The following TAF1B variants were observed in gnomAD, a reference collection of about 807,000 sequenced individuals.
TAF1B encodes the protein TATA box-binding protein-associated factor RNA polymerase I subunit B.
TAF1B carries 61 observed loss-of-function variants against 83.9 expected under a neutral mutation model. The ratio of observed to expected loss-of-function variants is 0.73; its 90% CI spans 0.59 to 0.90. TAF1B has a LOEUF of 0.90. TAF1B is among the 40% of genes least tolerant of loss of function. TAF1B has a pLI of 0.00. For missense variants in TAF1B, 625 were observed against 677.0 expected, an observed-to-expected ratio of 0.92 and a Z score of 0.85; for synonymous variants, 221 against 224.6, an observed-to-expected ratio of 0.98 and a Z score of 0.14.
At position 9,914,877 on chromosome 2, in the gene TAF1B, G is replaced by A. The variant is rs1355782203; in HGVS notation, c.1271+1628G>A. On this transcript the variant is annotated intron_variant, in intron 12 of 14. Transcript: ENST00000263663. The surrounding 1 kb of genome is among the most constrained non-coding windows in gnomAD (Gnocchi z 4.3). Reference sequence around the variant, plus strand: ...TGCTCAGGCCCAGAGCTCAGTGCGTGGTGGCCACCTGTCGGTTTCACCCTT... The same window carrying A: ...TGCTCAGGCCCAGAGCTCAGTGCGTAGTGGCCACCTGTCGGTTTCACCCTT... Among the ~76,000 whole-genome samples the A allele has an allele frequency of 6.6e-6, 1 of 152,096 alleles. No individual in the cohort carries two copies. Among genetic ancestry groups the A allele is most frequent in the Non-Finnish European group, 1.5e-5 (1 of 68,026 alleles).
At chr2:9,882,324 T>A (rs1244024822) in intron 7 of TAF1B, among the ~76,000 whole-genome samples, 1 of 152,164 alleles carries the variant, frequency 6.6e-6, no homozygotes, top group East Asian at 1.9e-4. Context: ...GGTCTCGGAC[T>A]CCTGACCTCG....
intron 5 of TAF1B, among the ~76,000 whole-genome samples, chr2:9,862,134 CAA>C (rs1663792237): frequency 6.6e-6 from 1 of 152,102 alleles, no homozygotes; most frequent in Non-Finnish European, 1.5e-5. Context: ...TTCAGAAGAT[CAA>C]ACTACTCCGA....
intron 12 of TAF1B, among the ~76,000 whole-genome samples, chr2:9,917,800 C>T (rs1401845779): frequency 2.6e-5 from 4 of 151,642 alleles, no homozygotes; most frequent in African/African-American, 7.3e-5. Context: ...CGGCCGGGCG[C>T]GGTGGCTCAC....
intron 14 of TAF1B, among the ~76,000 whole-genome samples, chr2:9,926,252 AT>A (rs1461784644): frequency 6.6e-6 from 1 of 152,216 alleles, no homozygotes; most frequent in Non-Finnish European, 1.5e-5. Context: ...GCAGTCAGTG[AT>A]TAGATTTTTC....
At chr2:9,896,316 A>T (rs366821) in intron 8 of TAF1B, among the ~76,000 whole-genome samples, 138,658 of 152,174 alleles carry the variant, frequency 0.91, 64,531 homozygotes, top group East Asian at 1. Flanking sequence ...GCTTTTTGCT[A>T]TTGCTCACAA....
At position 9,888,790 on chromosome 2, in the gene TAF1B, GTTTTTTTTTTTTTTTTTTTTT is replaced by G. The variant is rs56125595; in HGVS notation, c.807+5995_807+6015del. Among the ~76,000 whole-genome samples, 106 of 81,670 alleles carry G rather than the reference GTTTTTTTTTTTTTTTTTTTTT, an allele frequency of 1.3e-3. 1 individual carries two copies. The highest frequency in any genetic ancestry group is 8.0e-3 in the African/African-American group (104 of 12,932). The allele number at this position is 81,670 out of a possible 152,430, so 53.6% of individuals were successfully genotyped here. A position where few individuals can be genotyped will look rare whatever the true frequency, so the allele number is the denominator to read the frequency against. ...GTTTTCTTTATGTTTCTTCTGCTTG[GTTTTTTTTTTTTTTTTTTTTT>G]TTTTTTTTTAAGACAAATTTTTGCT... On this transcript the variant is annotated intron_variant, in intron 8 of 14. Coordinates refer to ENST00000263663, the MANE Select transcript of TAF1B (RefSeq NM_005680.3).
chr2:9,911,168 C>T (rs1168255479), intron 10 of TAF1B, among the ~76,000 whole-genome samples: 1 of 152,120 alleles, frequency 6.6e-6, no homozygotes, highest in African/African-American at 2.4e-5. Context: ...TGTTTTATAC[C>T]TGTTATTCTT....
chr2:9,929,374 G>A (rs902293271), intron 14 of TAF1B, among the ~76,000 whole-genome samples: 24 of 152,212 alleles, frequency 1.6e-4, no homozygotes, highest in South Asian at 6.2e-4. Flanking sequence ...TAGCCAAGAC[G>A]GTCTCAATCT....
chr2:9,928,579 C>G (rs1666116716), intron 14 of TAF1B, among the ~76,000 whole-genome samples: 1 of 152,136 alleles, frequency 6.6e-6, no homozygotes, highest in African/African-American at 2.4e-5. Context: ...CTTCACATCC[C>G]TTGTAAGTTG....
chr2:9,908,323 A>AGTTT (rs1162074312), intron 9 of TAF1B, among the ~76,000 whole-genome samples: 1 of 152,112 alleles, frequency 6.6e-6, no homozygotes, highest in Non-Finnish European at 1.5e-5. Flanking sequence ...CTGGGATTAC[A>AGTTT]GGCGTGAGCC....
intron 5 of TAF1B, among the ~76,000 whole-genome samples, chr2:9,867,017 C>T (rs1471255479): frequency 1.3e-5 from 2 of 152,124 alleles, no homozygotes; most frequent in African/African-American, 2.4e-5. Flanking sequence ...AGCACACCAA[C>T]ATGGCACATG....
chr2:9,899,438 T>C (rs1156984876), intron 8 of TAF1B, among the ~76,000 whole-genome samples: 3 of 152,216 alleles, frequency 2.0e-5, no homozygotes, highest in Admixed American at 2.0e-4. Flanking sequence ...CTTTGTCTTA[T>C]ATAAAATATA....
chr2:9,910,924 G>C lies in TAF1B; in HGVS notation c.1133+11G>C, dbSNP rs10495576. 993,987 of 1,588,934 alleles carry C rather than the reference G, an allele frequency of 0.63. 322,014 individuals carry two copies. Among genetic ancestry groups the C allele is most frequent in the Non-Finnish European group, 0.68 (788,187 of 1,167,320 alleles). ...TGACAGTTTCGAGTGGTAAGTGTAC[G>C]TCAATTTTATGACAAGTAACATTTT... On this transcript the variant is annotated intron_variant, in intron 10 of 14. Transcript: ENST00000263663.
At chr2:9,913,307 C>A in intron 12 of TAF1B, 58 bp downstream of exon 12, 2 of 1,400,034 alleles carry the variant, frequency 1.4e-6, no homozygotes, top group Non-Finnish European at 2.0e-6. Flanking sequence ...TGTTACTTTA[C>A]ATTTGAAAGC....
intron 14 of TAF1B, among the ~76,000 whole-genome samples, chr2:9,921,456 C>T (rs1665876582): frequency 6.6e-6 from 1 of 152,182 alleles, no homozygotes; most frequent in Admixed American, 6.5e-5. Flanking sequence ...TATTACTCCC[C>T]AGAGCACATT....
chr2:9,897,244 A>T (rs1386589456), intron 8 of TAF1B, among the ~76,000 whole-genome samples: 1 of 152,172 alleles, frequency 6.6e-6, no homozygotes. Context: ...ATTAGATACA[A>T]TTTATTCTGT....
chr2:9,854,945 G>T (rs1027453235), intron 5 of TAF1B, among the ~76,000 whole-genome samples: 1 of 152,186 alleles, frequency 6.6e-6, no homozygotes. Flanking sequence ...TTGGGGTCGA[G>T]GATGATTCTA....
At chr2:9,893,934 C>G (rs901290977) in intron 8 of TAF1B, among the ~76,000 whole-genome samples, 2 of 152,062 alleles carry the variant, frequency 1.3e-5, no homozygotes, top group Non-Finnish European at 2.9e-5. Flanking sequence ...GGCTTCATAG[C>G]TTACAGATAT....
intron 7 of TAF1B, among the ~76,000 whole-genome samples, chr2:9,879,698 ATGAGAG>A (rs1181480337): frequency 6.6e-6 from 1 of 152,194 alleles, no homozygotes. Context: ...GAGTAGGAGG[ATGAGAG>A]TGAACAGATC....
Sources: gnomAD v4.1 joint callset for allele counts (sites outside exome capture counted in the v4.1 genomes callset) on GRCh38, gnomAD v4.1.1 for gene constraint, Gnocchi (gnomAD v3.1) non-coding constraint, MANE v1.5 for transcripts, NCBI Gene and HGNC (gene_info 2026-07-23, HGNC 2026-07-21) for gene names.